The following PTPN11 variants were observed in gnomAD, a reference collection of about 807,000 sequenced individuals.
PTPN11 encodes protein tyrosine phosphatase non-receptor type 11.
PTPN11 carries 6 observed loss-of-function variants against 78.8 expected under a neutral mutation model. That is an observed-to-expected ratio of 0.08 (90% CI 0.04 to 0.15). The LOEUF (loss-of-function observed/expected upper bound fraction) is 0.15, where lower values mean the gene tolerates loss of function less well. PTPN11 is among the 10% of genes least tolerant of loss of function. The pLI, the probability that PTPN11 is intolerant of heterozygous loss-of-function variation, is 1.00. For missense variants in PTPN11, 386 were observed against 744.8 expected, an observed-to-expected ratio of 0.52 and a Z score of 5.61; for synonymous variants, 221 against 263.5, an observed-to-expected ratio of 0.84 and a Z score of 1.56.
At position 112,482,048 on chromosome 12, in the gene PTPN11, CTT is replaced by C; in HGVS notation, c.1093-24_1093-23del. ...TTTATTTCAGAGTTCACAGAATTAA[CTT>C]TCTTTTTTTCTGATCTCTTCCAGAG... On this transcript the variant is annotated intron_variant, in intron 9 of 15. Coordinates refer to ENST00000351677, the MANE Select transcript of PTPN11 (RefSeq NM_002834.5). The surrounding 1 kb of genome is among the most constrained non-coding windows in gnomAD (Gnocchi z 4.4). 2 of 1,540,670 alleles carry C rather than the reference CTT, an allele frequency of 1.3e-6. No individual in the cohort carries two copies. The highest frequency in any genetic ancestry group is 9.0e-7 in the Non-Finnish European group (1 of 1,114,050).
In PTPN11 at chr12:112,428,256, C is replaced by T. The variant is rs145100719; in HGVS notation, c.14+9131C>T. On this transcript the variant is annotated intron_variant, in intron 1 of 15. Coordinates refer to ENST00000351677, the MANE Select transcript of PTPN11 (RefSeq NM_002834.5). ...TTGATAAACTCAAATGAGGCCATAC[C>T]GTTTTGCCACTTCCCCTCCTTCCAG... Among the ~76,000 whole-genome samples, 275 of 152,190 alleles carry T rather than the reference C, an allele frequency of 1.8e-3. 1 individual carries two copies. Among genetic ancestry groups the T allele is most frequent in the African/African-American group, 6.4e-3 (266 of 41,530 alleles).
intron 6 of PTPN11, among the ~76,000 whole-genome samples, chr12:112,466,427 A>G (rs74237645): frequency 6.6e-6 from 1 of 152,162 alleles, no homozygotes; most frequent in East Asian, 1.9e-4. Context: ...GGCCAGGTGC[A>G]GTGGCTCATG....
intron 6 of PTPN11, among the ~76,000 whole-genome samples, chr12:112,460,548 T>C (rs1485162251): frequency 6.6e-6 from 1 of 152,124 alleles, no homozygotes; most frequent in African/African-American, 2.4e-5. Context: ...ATATTTCTGT[T>C]GTAAAAATCT....
At chr12:112,461,086 G>A (rs2038240435) in intron 6 of PTPN11, among the ~76,000 whole-genome samples, 1 of 152,038 alleles carries the variant, frequency 6.6e-6, no homozygotes, top group Non-Finnish European at 1.5e-5. Flanking sequence ...TTGGATACAA[G>A]TTTTCTTTGG....
At chr12:112,442,159 T>C (rs1165264711) in intron 1 of PTPN11, among the ~76,000 whole-genome samples, 2 of 152,178 alleles carry the variant, frequency 1.3e-5, no homozygotes, top group Non-Finnish European at 2.9e-5. Context: ...TTATGGGTTT[T>C]AAAAAACATT....
chr12:112,438,233 C>CT lies in PTPN11; in HGVS notation c.15-8035dup, dbSNP rs1049681383. Among the ~76,000 whole-genome samples, 30 of 152,034 alleles carry CT rather than the reference C, an allele frequency of 2.0e-4. No homozygotes were observed. In the South Asian group the frequency reaches 3.9e-3, roughly 20 times the overall value. On this transcript the variant is annotated intron_variant, in intron 1 of 15. Coordinates refer to ENST00000351677, the MANE Select transcript of PTPN11 (RefSeq NM_002834.5). The stretch of plus-strand genomic sequence containing the variant: ...CACTCACTGACGTTTGGTATATTTT[C>CT]TTTTTTTTGCTTACAGGTAATCTGG...
intron 13 of PTPN11, among the ~76,000 whole-genome samples, chr12:112,496,427 A>G (rs1215684099): frequency 6.6e-6 from 1 of 152,176 alleles, no homozygotes; most frequent in Non-Finnish European, 1.5e-5. Context: ...GGGTGTGCTC[A>G]TTGCTACTGG....
intron 10 of PTPN11, among the ~76,000 whole-genome samples, chr12:112,484,203 A>G (rs1323450459): frequency 6.6e-6 from 1 of 152,212 alleles, no homozygotes; most frequent in Non-Finnish European, 1.5e-5. Context: ...ATATGAAGAA[A>G]GGGAGAAAAG....
chr12:112,487,374 T>G (rs2038693740), intron 11 of PTPN11, among the ~76,000 whole-genome samples: 1 of 152,170 alleles, frequency 6.6e-6, no homozygotes, highest in African/African-American at 2.4e-5. Flanking sequence ...CCTCAGGTGA[T>G]CCACCTGCCT....
At chr12:112,445,672 G>A (rs11066309) in intron 1 of PTPN11, among the ~76,000 whole-genome samples, 41,913 of 139,938 alleles carry the variant, frequency 0.3, 8,338 homozygotes, top group Non-Finnish European at 0.43. Flanking sequence ...ATTGAGTTTC[G>A]CTCTTGTTGC....
chr12:112,423,371 C>T lies in PTPN11; in HGVS notation c.14+4246C>T, dbSNP rs993004460. Among the ~76,000 whole-genome samples the T allele has an allele frequency of 2.6e-5, 4 of 152,036 alleles. No homozygotes were observed. In the South Asian group the frequency reaches 6.2e-4, roughly 24 times the overall value. ...TACAATATTGGCTCACTGCAACCTC[C>T]ACCTCTTGGGTTCAAACAATTCTTG... On this transcript the variant is annotated intron_variant, in intron 1 of 15. Transcript: ENST00000351677.
chr12:112,424,397 C>G (rs2037572185), intron 1 of PTPN11, among the ~76,000 whole-genome samples: 1 of 150,504 alleles, frequency 6.6e-6, no homozygotes, highest in Non-Finnish European at 1.5e-5. Context: ...TAGAGCAATG[C>G]AAAATCATAG....
At position 112,446,314 on chromosome 12, in the gene PTPN11, A is replaced by G. The variant is rs587778635; in HGVS notation, c.53A>G (p.Asn18Ser). The G allele has an allele frequency of 5.6e-5, 90 of 1,614,070 alleles. 1 individual carries two copies. The South Asian group carries it at 9.6e-4, about 17-fold the overall frequency. ...HPNITGVEAE[N>S]LLLTRGVDGS... The stretch of plus-strand genomic sequence containing the variant: ...AATATCACTGGTGTGGAGGCAGAAA[A>G]CCTACTGTTGACAAGAGGAGTTGAT... The change falls in exon 2 of 16, where the codon AAC (asparagine) becomes AGC (serine). Residue 18 changes from asparagine (N) to serine (S), a missense_variant. Physicochemically the swap from Asn to Ser is conservative, Grantham distance 46. This residue lies in a region of PTPN11 where 279 missense variants were observed against 503.3 expected (regional missense o/e 0.55). Coordinates refer to ENST00000351677, the MANE Select transcript of PTPN11 (RefSeq NM_002834.5).
rs1166656918 is a variant in PTPN11 at position 112,482,277 on chromosome 12, T to G, written c.1224+72T>G. 1.9e-6 allele frequency: 3 copies of G among 1,541,230 alleles called. No homozygotes were observed. Among genetic ancestry groups the G allele is most frequent in the Non-Finnish European group, 2.7e-6 (3 of 1,117,338 alleles). On this transcript the variant is annotated intron_variant, in intron 10 of 15. Coordinates refer to ENST00000351677, the MANE Select transcript of PTPN11 (RefSeq NM_002834.5). This position sits in a 1 kb window ranked among gnomAD's most constrained non-coding sequence, Gnocchi z 4.4. Reference sequence around the variant, plus strand: ...GTGTAGGAATTCAGGGTCTTGCCGTTACTCATGTTTGCATACATGCATGCA... The same window carrying G: ...GTGTAGGAATTCAGGGTCTTGCCGTGACTCATGTTTGCATACATGCATGCA...
chr12:112,454,520 CA>C, intron 4 of PTPN11, 43 bp from the exon 5 acceptor site: 1 of 1,416,816 alleles, frequency 7.1e-7, no homozygotes, highest in Non-Finnish European at 1.0e-6. Context: ...ACTAATGTAA[CA>C]TAAAGGTAAC....
chr12:112,434,150 C>T (rs890511845), intron 1 of PTPN11, among the ~76,000 whole-genome samples: 4 of 151,926 alleles, frequency 2.6e-5, no homozygotes, highest in African/African-American at 9.7e-5. Flanking sequence ...CATAGTGGTG[C>T]ATTCCTGTAG....
At chr12:112,467,344 C>T (rs1396280543) in intron 6 of PTPN11, among the ~76,000 whole-genome samples, 2 of 152,080 alleles carry the variant, frequency 1.3e-5, no homozygotes, top group Non-Finnish European at 2.9e-5. Context: ...TTAATTGGCT[C>T]ATGGTTCTGA....
rs2038933627 is a variant in PTPN11, at chr12:112,506,252, G to C, written c.*460G>C. 1 of 152,048 alleles carries C rather than the reference G, an allele frequency of 6.6e-6. No homozygotes were observed. The highest frequency in any genetic ancestry group is 2.4e-5 in the African/African-American group (1 of 41,382). The allele number at this position is 152,048 out of a possible 1,614,324, so 9.4% of individuals were successfully genotyped here. A position where few individuals can be genotyped will look rare whatever the true frequency, so the allele number is the denominator to read the frequency against. On this transcript the variant is annotated 3_prime_UTR_variant, in exon 16 of 16. Coordinates refer to ENST00000351677, the MANE Select transcript of PTPN11 (RefSeq NM_002834.5). Reference sequence around the variant, plus strand: ...AATTAAGTAACAACGACCTAGAAAAGTGAGAACAATCTCATTTACCATCAT... The same window carrying C: ...AATTAAGTAACAACGACCTAGAAAACTGAGAACAATCTCATTTACCATCAT...
At chr12:112,503,685 C>T (rs1023183786) in intron 14 of PTPN11, among the ~76,000 whole-genome samples, 4 of 152,202 alleles carry the variant, frequency 2.6e-5, no homozygotes, top group Admixed American at 1.3e-4. Context: ...CTCCTGTTGG[C>T]ATGACTGAGT....
Sources: allele counts gnomAD v4.1 joint callset (sites outside exome capture counted in the v4.1 genomes callset), GRCh38; gene constraint gnomAD v4.1.1; regional missense constraint gnomAD v4.1.1; non-coding constraint Gnocchi (gnomAD v3.1); transcripts MANE v1.5; gene names NCBI Gene and HGNC (gene_info 2026-07-23, HGNC 2026-07-21).